FGF5: variants seen among roughly 807,000 people sequenced by gnomAD.
The protein encoded by FGF5 is fibroblast growth factor 5.
In FGF5, 23 loss-of-function variants were observed where a neutral mutation model predicts 21.8. That is an observed-to-expected ratio of 1.05 (90% CI 0.76 to 1.49). FGF5 has a LOEUF of 1.49. Ranked by LOEUF, FGF5 falls within the 40% of genes most tolerant of loss-of-function variation. The probability of loss-of-function intolerance (pLI) is 0.00; values close to 1 mark genes in which losing one functional copy is unlikely to be tolerated. For synonymous variants in FGF5, 158 were observed against 124.0 expected, an observed-to-expected ratio of 1.27 and a Z score of -1.82; for missense variants, 352 against 332.9, an observed-to-expected ratio of 1.06 and a Z score of -0.45.
At chr4:80,277,304 A>G (rs1720440278) in intron 2 of FGF5, among the ~76,000 whole-genome samples, 6 of 152,164 alleles carry the variant, frequency 3.9e-5, no homozygotes, top group African/African-American at 1.2e-4. Context: ...TCTTTGATAT[A>G]AAAGTCATTC....
rs958519318 is a variant in FGF5 at position 80,272,816 on chromosome 4, C to CTTCT, written c.356-2080_356-2077dup. ...CATCATTCCACACATATACAATTTC[C>CTTCT]TTCTTTCTTTCTTTCTCATTTTTGA... On this transcript the variant is annotated intron_variant, in intron 1 of 2. Coordinates refer to ENST00000312465, the MANE Select transcript of FGF5 (RefSeq NM_004464.4). 5.9e-5 allele frequency among the ~76,000 whole-genome samples: 9 copies of CTTCT among 151,934 alleles called. No individual in the cohort carries two copies. The South Asian group carries it at 6.2e-4, about 10-fold the overall frequency.
intron 2 of FGF5, among the ~76,000 whole-genome samples, chr4:80,281,045 T>C (rs1474971438): frequency 6.6e-6 from 1 of 152,102 alleles, no homozygotes; most frequent in South Asian, 2.1e-4. Flanking sequence ...TTTTGTTGGT[T>C]GCTCAGTATG....
rs1324898619 is a variant in FGF5 at position 80,281,714 on chromosome 4, G to A, written c.460-4611G>A. On this transcript the variant is annotated intron_variant, in intron 2 of 2. Transcript: ENST00000312465. ...CATCATAGATGGTGATATTTACTAA[G>A]GAACAAAACCACAAGAAGGGATTTT... Among the ~76,000 whole-genome samples, 4 of 151,920 alleles carry A rather than the reference G, an allele frequency of 2.6e-5. No individual in the cohort carries two copies. The East Asian group carries it at 7.7e-4, about 29-fold the overall frequency.
chr4:80,276,486 C>CT (rs992860196), intron 2 of FGF5, among the ~76,000 whole-genome samples: 1 of 151,800 alleles, frequency 6.6e-6, no homozygotes, highest in Non-Finnish European at 1.5e-5. Flanking sequence ...TAGGGTATTA[C>CT]TTTTTTAAAT....
chr4:80,279,876 T>A (rs906923791), intron 2 of FGF5, among the ~76,000 whole-genome samples: 1 of 152,224 alleles, frequency 6.6e-6, no homozygotes, highest in Non-Finnish European at 1.5e-5. Context: ...TTGCAGACTT[T>A]ATGAAACAGG....
chr4:80,274,873 A>T, intron 1 of FGF5, 36 bp from the exon 2 acceptor site: 1 of 851,202 alleles, frequency 1.2e-6, no homozygotes, highest in Non-Finnish European at 2.0e-6. Flanking sequence ...TATAAATAAG[A>T]GCCTGTGTTT....
chr4:80,277,917 A>T (rs574552585), intron 2 of FGF5, among the ~76,000 whole-genome samples: 3 of 152,278 alleles, frequency 2.0e-5, no homozygotes, highest in Non-Finnish European at 4.4e-5. Context: ...CTAGGCAGAG[A>T]TAATGTACTT....
rs540745953 is a variant in FGF5, at chr4:80,286,213, G to C, written c.460-112G>C. 2.7e-4 allele frequency: 185 copies of C among 692,454 alleles called. 2 individuals are homozygous for C. In the South Asian group the frequency reaches 4.1e-3, roughly 15 times the overall value. The allele number at this position is 692,454 out of a possible 1,614,324, so 42.9% of individuals were successfully genotyped here. ...GTCTTTATAAAAAGGAATTGAGTAG[G>C]AGGAACAGAGATCAACAAAATTATT... On this transcript the variant is annotated intron_variant, in intron 2 of 2. Transcript: ENST00000312465.
In FGF5 at chr4:80,266,722, G is replaced by C; in HGVS notation, c.-103G>C. 2 of 993,394 alleles carry C rather than the reference G, an allele frequency of 2.0e-6. No individual in the cohort carries two copies. The highest frequency in any genetic ancestry group is 2.5e-5 in the East Asian group (1 of 40,810). 61.5% of individuals were successfully genotyped at this position (993,394 alleles called of 1,614,324 possible). Reference sequence around the variant, plus strand: ...CTCTTCCCCGAGGCTATGTCCACCCGGTGCGGCGAGGCGGGCAGAGCCAGA... The same window carrying C: ...CTCTTCCCCGAGGCTATGTCCACCCCGTGCGGCGAGGCGGGCAGAGCCAGA... On this transcript the variant is annotated 5_prime_UTR_variant, in exon 1 of 3. Transcript: ENST00000312465.
At chr4:80,276,332 C>T (rs940310582) in intron 2 of FGF5, among the ~76,000 whole-genome samples, 7 of 151,988 alleles carry the variant, frequency 4.6e-5, no homozygotes, top group African/African-American at 1.7e-4. Context: ...TCACTCATTG[C>T]AAGAACTATT....
At position 80,286,412 on chromosome 4, in the gene FGF5, A is replaced by G. The variant is rs1351104207; in HGVS notation, c.547A>G (p.Lys183Glu). ...TGCCTCAGCAATACATAGAACTGAA[A>G]AAACAGGGCGGGAGTGGTATGTGGC... ...TYASAIHRTE[K>E]TGREWYVALN... Residue 183 changes from lysine to glutamate, a missense_variant, in exon 3 of 3, where the codon AAA becomes GAA. By Grantham distance (56) the Lys-to-Glu change is moderately conservative. Transcript: ENST00000312465. 9 of 1,613,932 alleles carry G rather than the reference A, an allele frequency of 5.6e-6. No individual in the cohort carries two copies. The highest frequency in any genetic ancestry group is 7.6e-6 in the Non-Finnish European group (9 of 1,179,970).
rs748007294 is a variant in FGF5, at chr4:80,266,846, C to T, written c.22C>T (p.Leu8Phe). The T allele has an allele frequency of 1.2e-6, 2 of 1,601,204 alleles. No homozygotes were observed. The highest frequency in any genetic ancestry group is 1.1e-5 in the South Asian group (1 of 88,940). Residue 8 changes from leucine (L) to phenylalanine (F), a missense_variant, in exon 1 of 3, where the codon CTC becomes TTC. By Grantham distance (22) the Leu-to-Phe change is conservative. Coordinates refer to ENST00000312465, the MANE Select transcript of FGF5 (RefSeq NM_004464.4). ...AAGAATGAGCTTGTCCTTCCTCCTC[C>T]TCCTCTTCTTCAGCCACCTGATCCT... MSLSFLL[L>F]LFFSHLILSA...
At position 80,288,834 on chromosome 4, in the gene FGF5, TG is replaced by T. The variant is rs1345027505; in HGVS notation, c.*2164del. On this transcript the variant is annotated 3_prime_UTR_variant, in exon 3 of 3. Coordinates refer to ENST00000312465, the MANE Select transcript of FGF5 (RefSeq NM_004464.4). ...AATGTAATAGTTTATCTTATACTCC[TG>T]GTTTGATTTGATTAGCATATTAACG... The T allele has an allele frequency of 6.6e-6, 1 of 152,636 alleles. No individual in the cohort carries two copies. Among genetic ancestry groups the T allele is most frequent in the African/African-American group, 2.4e-5 (1 of 41,464 alleles). The allele number at this position is 152,636 out of a possible 1,614,324, so 9.5% of individuals were successfully genotyped here.
At chr4:80,283,459 A>G (rs1361256825) in intron 2 of FGF5, among the ~76,000 whole-genome samples, 1 of 152,210 alleles carries the variant, frequency 6.6e-6, no homozygotes, top group Non-Finnish European at 1.5e-5. Context: ...GGTTTCACTC[A>G]TATGAAAGAT....
rs150112478 is a variant in FGF5, at chr4:80,266,886, A to T, written c.62A>T (p.His21Leu). The change falls in exon 1 of 3, where the codon CAC becomes CTC. Residue 21 changes from histidine to leucine, a missense_variant. Transcript: ENST00000312465. The part of the protein sequence containing the change: ...FSHLILSAWA[H>L]GEKRLAPKGQ... ...CACCTGATCCTCAGCGCCTGGGCTCACGGGGAGAAGCGTCTCGCCCCCAAA... is the reference window on the plus strand; with the variant it reads ...CACCTGATCCTCAGCGCCTGGGCTCTCGGGGAGAAGCGTCTCGCCCCCAAA... The T allele has an allele frequency of 5.0e-6, 8 of 1,613,046 alleles. No homozygotes were observed. Among genetic ancestry groups the T allele is most frequent in the Non-Finnish European group, 6.8e-6 (8 of 1,179,588 alleles).
At chr4:80,278,427 G>C (rs1211642601) in intron 2 of FGF5, among the ~76,000 whole-genome samples, 3 of 152,124 alleles carry the variant, frequency 2.0e-5, no homozygotes, top group Non-Finnish European at 4.4e-5. Flanking sequence ...ATCTAGAGAA[G>C]AGGGGATGTG....
chr4:80,286,609 C>T lies in FGF5; in HGVS notation c.744C>T (p.Pro248=). 2 of 1,614,036 alleles carry T rather than the reference C, an allele frequency of 1.2e-6. No homozygotes were observed. The highest frequency in any genetic ancestry group is 8.5e-7 in the Non-Finnish European group (1 of 1,179,962). ...CTAGCCCTATCAAGCCAAAGATTCC[C>T]CTTTCTGCACCTCGGAAAAATACCA... ...KPPSPIKPKI[P]LSAPRKNTNS... is the part of the protein sequence containing the mutation. The change falls in exon 3 of 3, where the codon CCC becomes CCT. Residue 248 remains proline (P), a synonymous_variant. Transcript: ENST00000312465.
intron 1 of FGF5, chr4:80,268,378 T>G (rs1347588444): frequency 5.4e-6 from 3 of 555,396 alleles, no homozygotes; most frequent in East Asian, 1.5e-4. Flanking sequence ...ACAGCAGCGC[T>G]CACAGTCACC....
intron 2 of FGF5, among the ~76,000 whole-genome samples, chr4:80,276,152 G>A (rs1287693189): frequency 6.6e-6 from 1 of 151,920 alleles, no homozygotes; most frequent in Non-Finnish European, 1.5e-5. Context: ...TTGAGGATTC[G>A]ATGAGATAAT....
Sources: allele counts gnomAD v4.1 joint callset (sites outside exome capture counted in the v4.1 genomes callset), GRCh38; gene constraint gnomAD v4.1.1; transcripts MANE v1.5; gene names NCBI Gene and HGNC (gene_info 2026-07-23, HGNC 2026-07-21).